Variants in PIP4K2C observed in about 807,000 individuals in gnomAD.
The protein encoded by PIP4K2C is phosphatidylinositol 5-phosphate 4-kinase type-2 gamma.
In PIP4K2C, 21 loss-of-function variants were observed where a neutral mutation model predicts 45.0. The ratio of observed to expected loss-of-function variants is 0.47; its 90% CI spans 0.33 to 0.67. The LOEUF (loss-of-function observed/expected upper bound fraction) is 0.67, where lower values mean the gene tolerates loss of function less well. PIP4K2C is among the 30% of genes least tolerant of loss of function. The pLI, the probability that PIP4K2C is intolerant of heterozygous loss-of-function variation, is 0.02. For missense variants in PIP4K2C, 456 were observed against 542.8 expected (o/e 0.84, Z 1.59); for synonymous variants, 201 against 204.8 (o/e 0.98, Z 0.16).
At chr12:57,593,683 T>TG (rs1883063861) in intron 1 of PIP4K2C, among the ~76,000 whole-genome samples, 4 of 80,522 alleles carry the variant, frequency 5.0e-5, no homozygotes, top group African/African-American at 1.7e-4. Context: ...GAGTTTTTTT[T>TG]TTTTTTTTTT....
chr12:57,595,515 G>A (rs1883150655), intron 3 of PIP4K2C, among the ~76,000 whole-genome samples: 1 of 151,968 alleles, frequency 6.6e-6, no homozygotes, highest in African/African-American at 2.4e-5. Flanking sequence ...GACCATCCTG[G>A]CCAACATGGC....
Position 57,596,009 on chromosome 12 carries a change from G to A in PIP4K2C, c.491G>A (p.Ser164Asn). 1 of 1,613,930 alleles carries A rather than the reference G, an allele frequency of 6.2e-7. No homozygotes were observed. The highest frequency in any genetic ancestry group is 8.5e-7 in the Non-Finnish European group (1 of 1,179,854). ...AGTGAGGACATTGCTGACATGCATA[G>A]CAACCTCTCCAACTATCACCAGGTC... ...VSSEDIADMH[S>N]NLSNYHQYIV... Residue 164 changes from serine to asparagine, a missense_variant, in exon 4 of 10, where the codon AGC becomes AAC. Ser to Asn is a conservative substitution (Grantham distance 46). This residue lies in a region of PIP4K2C where 421 missense variants were observed against 473.1 expected (regional missense o/e 0.89). Transcript: ENST00000354947.
In PIP4K2C at chr12:57,599,302, A is replaced by AG. The variant is rs1883326595; in HGVS notation, c.660+94dup. The AG allele has an allele frequency of 3.7e-6, 6 of 1,605,590 alleles. No homozygotes were observed. The Admixed American group carries it at 1.0e-4, about 27-fold the overall frequency. On this transcript the variant is annotated intron_variant, in intron 5 of 9. Transcript: ENST00000354947. ...GGAGGTCTTTGGATGATTCCTTTTA[A>AG]GGGAAAGAAGGCTGGGTTTGAGTAC...
In PIP4K2C at chr12:57,591,472, C is replaced by T. The variant is rs756884545; in HGVS notation, c.174+9C>T. On this transcript the variant is annotated intron_variant, in intron 1 of 9. Coordinates refer to ENST00000354947, the MANE Select transcript of PIP4K2C (RefSeq NM_024779.5). ...GGGGCGTAGCCCACTCGGTGAGAAC[C>T]AGCCCTAGACCCCCGCAGCCCTGTC... The T allele has an allele frequency of 1.3e-5, 21 of 1,608,228 alleles. No homozygotes were observed. Among genetic ancestry groups the T allele is most frequent in the African/African-American group, 2.7e-5 (2 of 74,332 alleles).
At position 57,599,060 on chromosome 12, in the gene PIP4K2C, T is replaced by C. The variant is rs201027290; in HGVS notation, c.514-5T>C. ...TCCCCATTCCTTCCCCCTCTTTCAC[T>C]GTAGTACATTGTGAAGTGCCATGGC... On this transcript the variant is annotated splice_region_variant and splice_polypyrimidine_tract_variant and intron_variant, in intron 4 of 9. Transcript: ENST00000354947. The C allele has an allele frequency of 3.1e-6, 5 of 1,613,808 alleles. No homozygotes were observed. Among genetic ancestry groups the C allele is most frequent in the Admixed American group, 1.7e-5 (1 of 59,978 alleles).
Position 57,600,953 on chromosome 12 carries a change from C to T in PIP4K2C, c.956C>T (p.Pro319Leu). ...GGGGACTGCAGCCTGACTGGACCTCCTGCTCTGGTGGGCTCCTATGGCACC... is the reference window on the plus strand; with the variant it reads ...GGGGACTGCAGCCTGACTGGACCTCTTGCTCTGGTGGGCTCCTATGGCACC... ...VDGDCSLTGP[P>L]ALVGSYGTSP... Residue 319 changes from proline (P) to leucine (L), a missense_variant, in exon 8 of 10, where the codon CCT becomes CTT. By Grantham distance (98) the Pro-to-Leu change is moderately conservative. This residue lies in a region of PIP4K2C where 421 missense variants were observed against 473.1 expected (regional missense o/e 0.89). Transcript: ENST00000354947. 1 of 1,614,214 alleles carries T rather than the reference C, an allele frequency of 6.2e-7. No individual in the cohort carries two copies. Among genetic ancestry groups the T allele is most frequent in the Non-Finnish European group, 8.5e-7 (1 of 1,180,044 alleles).
chr12:57,601,914 TC>T lies in PIP4K2C; in HGVS notation c.*309del. On this transcript the variant is annotated 3_prime_UTR_variant, in exon 10 of 10. Coordinates refer to ENST00000354947, the MANE Select transcript of PIP4K2C (RefSeq NM_024779.5). ...GATCTTTGTAATATCTCCTGTTGTTTCTATGATATAGGAGCTAGGGGAAGGG... is the reference window on the plus strand; with the variant it reads ...GATCTTTGTAATATCTCCTGTTGTTTTATGATATAGGAGCTAGGGGAAGGG... The T allele has an allele frequency of 2.6e-6, 1 of 379,032 alleles. No individual in the cohort carries two copies. The highest frequency in any genetic ancestry group is 4.9e-6 in the Non-Finnish European group (1 of 203,228). The allele number at this position is 379,032 out of a possible 1,614,324, so 23.5% of individuals were successfully genotyped here.
Position 57,595,942 on chromosome 12 carries a change from C to T in PIP4K2C, c.424C>T (p.Leu142Phe), listed in dbSNP as rs1322607788. 3.7e-6 allele frequency: 6 copies of T among 1,613,982 alleles called. No individual in the cohort carries two copies. The highest frequency in any genetic ancestry group is 3.3e-5 in the Admixed American group (2 of 60,000). Residue 142 changes from leucine (L) to phenylalanine (F), a missense_variant, in exon 4 of 10, where the codon CTT becomes TTT. Leu to Phe is a conservative substitution (Grantham distance 22). This residue lies in a region of PIP4K2C where 421 missense variants were observed against 473.1 expected (regional missense o/e 0.89). Coordinates refer to ENST00000354947, the MANE Select transcript of PIP4K2C (RefSeq NM_024779.5). ...AAGTGAAGGCAGTGATGGTCGCTTCCTTATCTCCTACGATCGGACTCTGGT... is the reference window on the plus strand; with the variant it reads ...AAGTGAAGGCAGTGATGGTCGCTTCTTTATCTCCTACGATCGGACTCTGGT... ...SESEGSDGRF[L>F]ISYDRTLVIK...
intron 1 of PIP4K2C, 133 bp from the exon 2 acceptor site, chr12:57,593,892 G>A: frequency 1.7e-6 from 1 of 601,794 alleles, no homozygotes; most frequent in Non-Finnish European, 2.9e-6. Flanking sequence ...CTTCTGTCAA[G>A]CATATGCATA....
At position 57,602,273 on chromosome 12, in the gene PIP4K2C, T is replaced by C. The variant is rs1199137591; in HGVS notation, c.*667T>C. The C allele has an allele frequency of 6.6e-6, 1 of 152,562 alleles. No individual in the cohort carries two copies. Among genetic ancestry groups the C allele is most frequent in the Admixed American group, 6.5e-5 (1 of 15,342 alleles). The allele number at this position is 152,562 out of a possible 1,614,324, so 9.5% of individuals were successfully genotyped here. On this transcript the variant is annotated 3_prime_UTR_variant, in exon 10 of 10. Transcript: ENST00000354947. ...AGAGAATTGGATTGGGTCTCTGTCA[T>C]AGATTGAGTAATCTCTTCCCTTACC... is the stretch of plus-strand genomic sequence containing the variant.
Position 57,603,179 on chromosome 12 carries a change from A to G in PIP4K2C, c.*1573A>G, listed in dbSNP as rs1883520647. ...ATAACATCTTCCTGTCAGAAGACTGATGGATCTTTTTCATTCCAACCATCT... is the reference window on the plus strand; with the variant it reads ...ATAACATCTTCCTGTCAGAAGACTGGTGGATCTTTTTCATTCCAACCATCT... On this transcript the variant is annotated 3_prime_UTR_variant, in exon 10 of 10. Transcript: ENST00000354947. 1 of 152,596 alleles carries G rather than the reference A, an allele frequency of 6.6e-6. No individual in the cohort carries two copies. Among genetic ancestry groups the G allele is most frequent in the Non-Finnish European group, 1.5e-5 (1 of 68,022 alleles). The allele number at this position is 152,596 out of a possible 1,614,324, so 9.5% of individuals were successfully genotyped here.
At chr12:57,600,130 G>T (rs1241935689) in intron 6 of PIP4K2C, among the ~76,000 whole-genome samples, 194 bp from the exon 7 acceptor site, 1 of 152,124 alleles carries the variant, frequency 6.6e-6, no homozygotes, top group Non-Finnish European at 1.5e-5. Flanking sequence ...GAGAGTAGTG[G>T]GATGTGATTT....
intron 6 of PIP4K2C, 57 bp downstream of exon 6, chr12:57,599,495 G>C: frequency 6.3e-7 from 1 of 1,593,334 alleles, no homozygotes; most frequent in Non-Finnish European, 8.6e-7. Context: ...GGGCAGATGA[G>C]GGGAACTTCT....
intron 7 of PIP4K2C, among the ~76,000 whole-genome samples, 168 bp from the exon 8 acceptor site, chr12:57,600,643 T>G (rs1379474176): frequency 6.6e-6 from 1 of 152,202 alleles, no homozygotes; most frequent in African/African-American, 2.4e-5. Flanking sequence ...AAGGATGATC[T>G]TAGATACTAG....
rs200656592 is a variant in PIP4K2C at position 57,601,058 on chromosome 12, A to C, written c.1061A>C (p.Tyr354Ser). ...PGEFESFIDV[Y>S]AIRSAEGAPQ... The stretch of plus-strand genomic sequence containing the variant: ...GAGTTTGAGTCCTTCATTGATGTCT[A>C]TGCCATCCGGAGTGCTGAAGGTGAG... Residue 354 changes from tyrosine to serine, a missense_variant, in exon 8 of 10, where the codon TAT (tyrosine) becomes TCT (serine). By Grantham distance (144) the Tyr-to-Ser change is moderately radical. Around this residue, in one of 2 missense-constraint regions of PIP4K2C, gnomAD observed 421 missense variants for 473.1 expected, o/e 0.89. Transcript: ENST00000354947. 1.4e-4 allele frequency: 218 copies of C among 1,613,670 alleles called. No homozygotes were observed. The highest frequency in any genetic ancestry group is 1.5e-4 in the Non-Finnish European group (179 of 1,179,992).
intron 6 of PIP4K2C, among the ~76,000 whole-genome samples, chr12:57,599,979 G>A (rs147549584): frequency 4.0e-5 from 6 of 151,896 alleles, no homozygotes; most frequent in Admixed American, 6.5e-5. Flanking sequence ...AGGAGGTCGC[G>A]GCTACAGTGA....
At chr12:57,601,131 A>G in intron 8 of PIP4K2C, 53 bp downstream of exon 8, 3 of 1,605,102 alleles carry the variant, frequency 1.9e-6, no homozygotes, top group African/African-American at 1.3e-5. Flanking sequence ...CCTGGAGGAC[A>G]GAGACCAGAG....
In PIP4K2C at chr12:57,601,852, A is replaced by G. The variant is rs920663893; in HGVS notation, c.*246A>G. The G allele has an allele frequency of 1.9e-6, 1 of 527,882 alleles. No individual in the cohort carries two copies. Among genetic ancestry groups the G allele is most frequent in the Non-Finnish European group, 3.4e-6 (1 of 292,916 alleles). 32.7% of individuals were successfully genotyped at this position (527,882 alleles called of 1,614,324 possible). On this transcript the variant is annotated 3_prime_UTR_variant, in exon 10 of 10. Coordinates refer to ENST00000354947, the MANE Select transcript of PIP4K2C (RefSeq NM_024779.5). ...TCCCCATGAGAAGTCTGCTTGTAGT[A>G]TTAGAATGTTATTGTTGACTCTCTC...
intron 4 of PIP4K2C, among the ~76,000 whole-genome samples, chr12:57,596,426 A>C (rs1883196917): frequency 6.6e-6 from 1 of 151,588 alleles, no homozygotes; most frequent in South Asian, 2.1e-4. Flanking sequence ...CGGAGGTTGT[A>C]GTGAGCCGAG....
Sources: allele counts gnomAD v4.1 joint callset (sites outside exome capture counted in the v4.1 genomes callset), GRCh38; gene constraint gnomAD v4.1.1; regional missense constraint gnomAD v4.1.1; transcripts MANE v1.5; gene names NCBI Gene and HGNC (gene_info 2026-07-23, HGNC 2026-07-21).